Variants in CDYL observed in about 807,000 individuals in gnomAD.
CDYL encodes chromodomain Y-like protein.
CDYL carries 8 observed loss-of-function variants against 47.3 expected under a neutral mutation model. The observed-to-expected ratio is 0.17, with a 90% CI of 0.10 to 0.31. The LOEUF is 0.31. CDYL is among the 10% of genes least tolerant of loss of function. CDYL has a pLI of 1.00. For missense variants in CDYL, 471 were observed against 701.4 expected (o/e 0.67, Z 3.71); for synonymous variants, 266 against 265.0 (o/e 1.00, Z -0.04).
At chr6:4,873,464 T>C (rs1259522020) in intron 1 of CDYL, among the ~76,000 whole-genome samples, 1 of 152,160 alleles carries the variant, frequency 6.6e-6, no homozygotes, top group African/African-American at 2.4e-5. Flanking sequence ...ATGTATATAC[T>C]GAGAGACATT....
At chr6:4,804,564 G>C (rs565419640) in intron 1 of CDYL, among the ~76,000 whole-genome samples, 1 of 152,178 alleles carries the variant, frequency 6.6e-6, no homozygotes, top group African/African-American at 2.4e-5. Flanking sequence ...AGTAGGAAAC[G>C]ATGGCCTTGG....
At chr6:4,746,653 C>T (rs1382492854) in intron 3 of CDYL, among the ~76,000 whole-genome samples, 1 of 152,020 alleles carries the variant, frequency 6.6e-6, no homozygotes, top group Non-Finnish European at 1.5e-5. Context: ...TGAGTGGGTC[C>T]AAAAACACAG....
intron 2 of CDYL, among the ~76,000 whole-genome samples, chr6:4,722,028 T>C (rs895472886): frequency 1.3e-5 from 2 of 152,174 alleles, no homozygotes; most frequent in East Asian, 3.9e-4. Context: ...CTAATTTTTG[T>C]ATTTTTAGTA....
chr6:4,926,776 T>C (rs6905856), intron 2 of CDYL, among the ~76,000 whole-genome samples: 92,005 of 152,082 alleles, frequency 0.6, 30,318 homozygotes, highest in East Asian at 0.87. Context: ...ATGGAAACAT[T>C]GTTGATATCT....
intron 3 of CDYL, among the ~76,000 whole-genome samples, chr6:4,765,604 C>T (rs1179230875): frequency 6.0e-5 from 9 of 150,998 alleles, no homozygotes; most frequent in Admixed American, 4.6e-4. Context: ...TGCTCTGTCG[C>T]GCAGGCTGGA....
intron 2 of CDYL, among the ~76,000 whole-genome samples, chr6:4,921,182 G>T (rs1757704433): frequency 6.6e-6 from 1 of 152,180 alleles, no homozygotes; most frequent in African/African-American, 2.4e-5. Flanking sequence ...TGTGTTTTAA[G>T]CACAGGGCAG....
chr6:4,792,501 C>A (rs543907500), intron 1 of CDYL, among the ~76,000 whole-genome samples: 1 of 151,254 alleles, frequency 6.6e-6, no homozygotes, highest in East Asian at 1.9e-4. Context: ...GCATGATCTC[C>A]GCTCACGGTA....
At chr6:4,876,441 T>C (rs938844832) in intron 1 of CDYL, among the ~76,000 whole-genome samples, 11 of 152,212 alleles carry the variant, frequency 7.2e-5, no homozygotes, top group Non-Finnish European at 2.9e-5. Context: ...GCTGTCCCAT[T>C]TTAAAATCCT....
chr6:4,895,307 G>GTGTATATA (rs1762214459), intron 2 of CDYL, among the ~76,000 whole-genome samples: 1 of 106,322 alleles, frequency 9.4e-6, no homozygotes, highest in African/African-American at 3.9e-5. Flanking sequence ...ATGTATATAT[G>GTGTATATA]TGCATATATG....
At position 4,943,737 on chromosome 6, in the gene CDYL, A is replaced by G. The variant is rs1190888463; in HGVS notation, c.1313A>G (p.Lys438Arg). The G allele has an allele frequency of 1.3e-6, 2 of 1,596,086 alleles. No individual in the cohort carries two copies. Among genetic ancestry groups the G allele is most frequent in the South Asian group, 2.3e-5 (2 of 87,780 alleles). ...PDGCSTVMFP[K>R]IMGGASANEM... The stretch of plus-strand genomic sequence containing the variant: ...GGCTGTTCTACCGTTATGTTTCCCA[A>G]GATAATGGGAGGAGCATCTGTGAGT... Residue 438 changes from lysine (K) to arginine (R), a missense_variant, in exon 5 of 7, where the codon AAG becomes AGG. Lys to Arg is a conservative substitution (Grantham distance 26). This residue lies in a region of CDYL where 103 missense variants were observed against 277.1 expected (regional missense o/e 0.37). Coordinates refer to ENST00000397588, the MANE Select transcript of CDYL (RefSeq NM_004824.4).
chr6:4,841,487 G>T (rs986562989), intron 1 of CDYL, among the ~76,000 whole-genome samples: 8 of 152,064 alleles, frequency 5.3e-5, no homozygotes, highest in African/African-American at 1.9e-4. Context: ...ACCTTAGATT[G>T]TCTATTTGTT....
chr6:4,797,384 G>A (rs1263794239), intron 1 of CDYL, among the ~76,000 whole-genome samples: 2 of 147,532 alleles, frequency 1.4e-5, no homozygotes, highest in Non-Finnish European at 3.0e-5. Flanking sequence ...TACGTGGGCT[G>A]TTTTTTCTTC....
chr6:4,803,920 T>C (rs1465240584), intron 1 of CDYL, among the ~76,000 whole-genome samples: 1 of 151,926 alleles, frequency 6.6e-6, no homozygotes, highest in Non-Finnish European at 1.5e-5. Flanking sequence ...GTGGTGTAAA[T>C]TATATTTTTT....
intron 2 of CDYL, among the ~76,000 whole-genome samples, chr6:4,918,478 CTAAATT>C (rs1481530067): frequency 1.3e-5 from 2 of 151,314 alleles, no homozygotes; most frequent in East Asian, 2.0e-4. Context: ...AAGGAAATAA[CTAAATT>C]TAAAGTACCA....
Position 4,776,735 on chromosome 6 carries a change from G to A in CDYL, c.-49G>A. 1 of 1,255,950 alleles carries A rather than the reference G, an allele frequency of 8.0e-7. No individual in the cohort carries two copies. Among genetic ancestry groups the A allele is most frequent in the Non-Finnish European group, 1.0e-6 (1 of 975,524 alleles). 77.8% of individuals were successfully genotyped at this position (1,255,950 alleles called of 1,614,324 possible). On this transcript the variant is annotated 5_prime_UTR_variant, in exon 1 of 7. Coordinates refer to ENST00000397588, the MANE Select transcript of CDYL (RefSeq NM_004824.4). ...AACAAAGTGTCGGCCGCCCGGCGCCGGCGCCCGCCCCGACCCTGCCCCTCC... is the reference window on the plus strand; with the variant it reads ...AACAAAGTGTCGGCCGCCCGGCGCCAGCGCCCGCCCCGACCCTGCCCCTCC...
chr6:4,837,668 T>C (rs1019144521), intron 1 of CDYL, among the ~76,000 whole-genome samples: 13 of 152,100 alleles, frequency 8.5e-5, no homozygotes, highest in Non-Finnish European at 8.8e-5. Context: ...TTTCATCATG[T>C]TGGTCAGGCT....
intron 1 of CDYL, among the ~76,000 whole-genome samples, chr6:4,829,669 T>C (rs1760079983): frequency 6.6e-6 from 1 of 152,200 alleles, no homozygotes; most frequent in Non-Finnish European, 1.5e-5. Context: ...AACTTGATCA[T>C]TTAGCCTAGG....
At chr6:4,849,891 C>G (rs1005907172) in intron 1 of CDYL, among the ~76,000 whole-genome samples, 8 of 124,910 alleles carry the variant, frequency 6.4e-5, no homozygotes, top group Admixed American at 1.2e-4. Context: ...GTGACGTGCT[C>G]AGGAGAAAAC....
At position 4,823,316 on chromosome 6, in the gene CDYL, A is replaced by G. The variant is rs150451389; in HGVS notation, c.24+46509A>G. Among the ~76,000 whole-genome samples the G allele has an allele frequency of 5.9e-3, 903 of 152,322 alleles. 33 individuals are homozygous for G. Among genetic ancestry groups the G allele is most frequent in the Admixed American group, 0.048 (737 of 15,298 alleles). On this transcript the variant is annotated intron_variant, in intron 1 of 6. Coordinates refer to ENST00000397588, the MANE Select transcript of CDYL (RefSeq NM_004824.4). ...ATTTCCAAATTATGTATACTTAAAC[A>G]TAACATACCTACTAAAATATTGCTG...
Sources: gnomAD v4.1 joint callset for allele counts (sites outside exome capture counted in the v4.1 genomes callset) on GRCh38, gnomAD v4.1.1 for gene constraint, gnomAD v4.1.1 regional missense constraint, MANE v1.5 for transcripts, NCBI Gene and HGNC (gene_info 2026-07-23, HGNC 2026-07-21) for gene names.